DAPK1: variants seen among roughly 807,000 people sequenced by gnomAD.
The protein encoded by DAPK1 is death associated protein kinase 1, also known as death-associated protein kinase 1.
In DAPK1, 56 loss-of-function variants were observed where a neutral mutation model predicts 144.9. That is an observed-to-expected ratio of 0.39 (90% CI 0.31 to 0.48). DAPK1 has a LOEUF of 0.48. Among genes scored for constraint, DAPK1 ranks in the 20% least tolerant of loss-of-function variants. The pLI is 0.95. For missense variants in DAPK1, 1,454 were observed against 1,875.4 expected (o/e 0.78, Z 4.15); for synonymous variants, 690 against 749.0 (o/e 0.92, Z 1.29).
intron 3 of DAPK1, among the ~76,000 whole-genome samples, chr9:87,619,557 C>A (rs1285708557): frequency 6.6e-6 from 1 of 152,164 alleles, no homozygotes; most frequent in Non-Finnish European, 1.5e-5. Flanking sequence ...CTCTGCCTTG[C>A]ACGTGACCTG....
At chr9:87,696,983 G>A (rs1302965937) in intron 21 of DAPK1, 24 bp from the exon 22 acceptor site, 8 of 1,258,250 alleles carry the variant, frequency 6.4e-6, no homozygotes, top group Non-Finnish European at 9.4e-6. Flanking sequence ...TTTCACGATT[G>A]TTATCATTTT....
intron 2 of DAPK1, among the ~76,000 whole-genome samples, chr9:87,555,366 G>A (rs1468037859): frequency 2.0e-5 from 3 of 151,938 alleles, no homozygotes; most frequent in African/African-American, 4.8e-5. Flanking sequence ...TTCCTTCTCT[G>A]TCACAGACAC....
At chr9:87,626,649 A>G (rs1467979737) in intron 3 of DAPK1, among the ~76,000 whole-genome samples, 3 of 152,170 alleles carry the variant, frequency 2.0e-5, no homozygotes, top group Non-Finnish European at 2.9e-5. Context: ...ATTGCCTTCT[A>G]GTTTGTGATA....
At chr9:87,576,372 A>T (rs1330300662) in intron 2 of DAPK1, among the ~76,000 whole-genome samples, 1 of 152,194 alleles carries the variant, frequency 6.6e-6, no homozygotes, top group Non-Finnish European at 1.5e-5. Context: ...TTGTACTGTC[A>T]TCTAAATCAT....
intron 3 of DAPK1, chr9:87,632,871 G>A: frequency 1.0e-5 from 10 of 958,696 alleles, no homozygotes; most frequent in Non-Finnish European, 1.2e-5. Context: ...AATGAAGGAA[G>A]ATGAGTATAC....
intron 2 of DAPK1, among the ~76,000 whole-genome samples, chr9:87,531,860 C>T (rs1825709902): frequency 6.6e-6 from 1 of 152,180 alleles, no homozygotes; most frequent in South Asian, 2.1e-4. Flanking sequence ...GAGAAATCCC[C>T]AGGGGCCTCC....
intron 2 of DAPK1, among the ~76,000 whole-genome samples, chr9:87,564,413 C>T (rs1341491371): frequency 1.3e-5 from 2 of 152,166 alleles, no homozygotes; most frequent in Non-Finnish European, 2.9e-5. Context: ...CTGTCTTAGT[C>T]CACTTTTTCC....
chr9:87,547,408 A>G (rs932717273), intron 2 of DAPK1, among the ~76,000 whole-genome samples: 1 of 152,232 alleles, frequency 6.6e-6, no homozygotes. Flanking sequence ...TGTGCTGAAC[A>G]GTACAGTAGC....
intron 2 of DAPK1, among the ~76,000 whole-genome samples, chr9:87,513,766 G>C (rs113050191): frequency 2.0e-5 from 3 of 152,176 alleles, no homozygotes; most frequent in African/African-American, 7.2e-5. Flanking sequence ...TGGAAGGGAA[G>C]TTTAAAGAAG....
chr9:87,649,939 C>A lies in DAPK1; in HGVS notation c.1447C>A (p.His483Asn), dbSNP rs1564046682. Residue 483 changes from histidine to asparagine, a missense_variant, in exon 16 of 26, where the codon CAC becomes AAC. Transcript: ENST00000408954. ...IQDKEEETPLHCAAWHGYYSV... is the reference protein window; with the variant it reads ...IQDKEEETPLNCAAWHGYYSV... ...TGGCCAGGAAGAAGAAACCCCCCTG[C>A]ACTGTGCTGCTTGGCACGGCTATTA... 1 of 1,614,224 alleles carries A rather than the reference C, an allele frequency of 6.2e-7. No individual in the cohort carries two copies. The highest frequency in any genetic ancestry group is 8.5e-7 in the Non-Finnish European group (1 of 1,180,036).
intron 3 of DAPK1, among the ~76,000 whole-genome samples, chr9:87,624,987 A>G (rs1308428467): frequency 6.6e-6 from 1 of 152,230 alleles, no homozygotes; most frequent in African/African-American, 2.4e-5. Flanking sequence ...TTGACAAACT[A>G]CAGCCGGTGG....
rs1023320818 is a variant in DAPK1, at chr9:87,698,466, C to T, written c.2612-190C>T. On this transcript the variant is annotated intron_variant, in intron 22 of 25. Coordinates refer to ENST00000408954, the MANE Select transcript of DAPK1 (RefSeq NM_004938.4). ...GGCCTAGGAGATAGGCTTATCCTGTCGTTGGCCATGCTGGGGCCTTCTAGG... is the reference window on the plus strand; with the variant it reads ...GGCCTAGGAGATAGGCTTATCCTGTTGTTGGCCATGCTGGGGCCTTCTAGG... 13 of 556,238 alleles carry T rather than the reference C, an allele frequency of 2.3e-5. No homozygotes were observed. In the Admixed American group the frequency reaches 3.6e-4, roughly 16 times the overall value. The allele number at this position is 556,238 out of a possible 1,614,324, so 34.5% of individuals were successfully genotyped here.
chr9:87,661,215 G>A (rs1830835726), intron 18 of DAPK1, among the ~76,000 whole-genome samples: 1 of 152,212 alleles, frequency 6.6e-6, no homozygotes, highest in African/African-American at 2.4e-5. Context: ...TCCTCTGTCG[G>A]TGGACACTTA....
intron 19 of DAPK1, among the ~76,000 whole-genome samples, chr9:87,678,408 C>A (rs976891374): frequency 6.6e-6 from 1 of 152,224 alleles, no homozygotes; most frequent in African/African-American, 2.4e-5. Context: ...TGCACTCACG[C>A]ACAGGATCAC....
chr9:87,647,667 C>T (rs539370671), intron 14 of DAPK1, among the ~76,000 whole-genome samples: 1 of 152,312 alleles, frequency 6.6e-6, no homozygotes, highest in East Asian at 1.9e-4. Context: ...CCTCAAAGTT[C>T]TAGTACAGAC....
chr9:87,610,545 A>G (rs1368768206), intron 3 of DAPK1, among the ~76,000 whole-genome samples: 4 of 152,278 alleles, frequency 2.6e-5, no homozygotes, highest in African/African-American at 9.6e-5. Context: ...CTTGCTGCTC[A>G]GAAACAGCTA....
rs772707479 is a variant in DAPK1, at chr9:87,643,450, C to T, written c.993C>T (p.Ala331=). ...SFLSRSNMSV[A]RSDDTLDEED... ...TGTCCAGAAGTAACATGAGTGTTGC[C>T]AGAAGCGATGATACTCTGGTAAGCA... The change falls in exon 11 of 26, where the codon GCC becomes GCT. Residue 331 remains alanine (A), a synonymous_variant. Transcript: ENST00000408954. 1 of 1,609,606 alleles carries T rather than the reference C, an allele frequency of 6.2e-7. No individual in the cohort carries two copies. Among genetic ancestry groups the T allele is most frequent in the East Asian group, 2.2e-5 (1 of 44,710 alleles).
At chr9:87,623,239 C>A (rs923492849) in intron 3 of DAPK1, among the ~76,000 whole-genome samples, 3 of 152,188 alleles carry the variant, frequency 2.0e-5, no homozygotes, top group African/African-American at 7.2e-5. Flanking sequence ...CATTCTGTTT[C>A]CTTCTTGGAT....
intron 2 of DAPK1, among the ~76,000 whole-genome samples, chr9:87,502,468 ATC>A (rs1381046933): frequency 4.6e-5 from 7 of 152,110 alleles, no homozygotes; most frequent in Non-Finnish European, 1.0e-4. Flanking sequence ...ATGCCCTAGC[ATC>A]TCTTATCAGT....
Sources: gnomAD v4.1 joint callset for allele counts (sites outside exome capture counted in the v4.1 genomes callset) on GRCh38, gnomAD v4.1.1 for gene constraint, MANE v1.5 for transcripts, NCBI Gene and HGNC (gene_info 2026-07-23, HGNC 2026-07-21) for gene names.